The following DNAJA3 variants were observed in gnomAD, a reference collection of about 807,000 sequenced individuals.
The protein encoded by DNAJA3 is dnaJ homolog subfamily A member 3, mitochondrial.
A neutral mutation model predicts 54.9 loss-of-function variants in DNAJA3; 29 were observed. The observed-to-expected ratio is 0.53, with a 90% CI of 0.39 to 0.72. The LOEUF is 0.72. DNAJA3 is among the 30% of genes least tolerant of loss of function. The pLI is 0.00. For missense variants in DNAJA3, 708 were observed against 639.4 expected (o/e 1.11, Z -1.16); for synonymous variants, 302 against 251.4 (o/e 1.20, Z -1.90).
At chr16:4,428,933 G>C (rs903188127) in intron 1 of DNAJA3, among the ~76,000 whole-genome samples, 88 of 140,876 alleles carry the variant, frequency 6.2e-4, no homozygotes, top group African/African-American at 2.4e-3. Context: ...CTGTCGCCCA[G>C]GCTGGAGTGC....
Position 4,442,274 on chromosome 16 carries a change from A to G in DNAJA3, c.637A>G (p.Met213Val), listed in dbSNP as rs111303977. The G allele has an allele frequency of 1.3e-6, 2 of 1,591,710 alleles. No homozygotes were observed. The highest frequency in any genetic ancestry group is 1.7e-6 in the Non-Finnish European group (2 of 1,167,422). The change falls in exon 5 of 12, where the codon ATG becomes GTG. Residue 213 changes from methionine to valine, a missense_variant. Met to Val is a conservative substitution (Grantham distance 21). Coordinates refer to ENST00000262375, the MANE Select transcript of DNAJA3 (RefSeq NM_005147.6). The part of the protein sequence containing the change: ...TVFDQPQEYF[M>V]ELTFNQAAKG... ...TGTCCCTTGGTTTCTTTAGTACTTCATGGAGTTGACATTCAATCAAGCTGC... is the reference window on the plus strand; with the variant it reads ...TGTCCCTTGGTTTCTTTAGTACTTCGTGGAGTTGACATTCAATCAAGCTGC...
chr16:4,456,388 G>T lies in DNAJA3; in HGVS notation c.*856G>T, dbSNP rs2057036022. On this transcript the variant is annotated 3_prime_UTR_variant, in exon 12 of 12. Transcript: ENST00000262375. The stretch of plus-strand genomic sequence containing the variant: ...GCCCTGCCACTGTTGCTAGTCAGGG[G>T]CTTGGTTCTCCCACTTACACTGTTG... The T allele has an allele frequency of 1.3e-5, 2 of 152,436 alleles. No homozygotes were observed. The highest frequency in any genetic ancestry group is 2.9e-5 in the Non-Finnish European group (2 of 68,058). The allele number at this position is 152,436 out of a possible 1,614,324, so 9.4% of individuals were successfully genotyped here. A position where few individuals can be genotyped will look rare whatever the true frequency, so the allele number is the denominator to read the frequency against.
chr16:4,429,292 C>T (rs2056663777), intron 1 of DNAJA3, among the ~76,000 whole-genome samples: 1 of 152,016 alleles, frequency 6.6e-6, no homozygotes. Flanking sequence ...ACCGTGATCT[C>T]GGCTCACCGC....
chr16:4,436,010 C>T (rs2056768173), intron 2 of DNAJA3, among the ~76,000 whole-genome samples: 1 of 152,234 alleles, frequency 6.6e-6, no homozygotes, highest in South Asian at 2.1e-4. Flanking sequence ...TTTTTAATTA[C>T]GACCCTAGTG....
Position 4,444,719 on chromosome 16 carries a change from T to G in DNAJA3, c.987T>G (p.Ile329Met). 6.2e-7 allele frequency: 1 copy of G among 1,614,078 alleles called. No individual in the cohort carries two copies. Among genetic ancestry groups the G allele is most frequent in the Non-Finnish European group, 8.5e-7 (1 of 1,179,966 alleles). The change falls in exon 7 of 12, where the codon ATT becomes ATG. Residue 329 changes from isoleucine to methionine, a missense_variant. Physicochemically the swap from Ile to Met is conservative, Grantham distance 10. Transcript: ENST00000262375. ...RMPVGKREIF[I>M]TFRVQKSPVF... ...CTGTGGGAAAAAGGGAAATTTTCATTACGTTCAGGGTAGGTGCCCTGCCCC... is the reference window on the plus strand; with the variant it reads ...CTGTGGGAAAAAGGGAAATTTTCATGACGTTCAGGGTAGGTGCCCTGCCCC...
At chr16:4,447,061 C>G (rs1002715730) in intron 8 of DNAJA3, 47 bp downstream of exon 8, 49 of 1,586,032 alleles carry the variant, frequency 3.1e-5, no homozygotes, top group Non-Finnish European at 4.0e-5. Flanking sequence ...CTTTATTGCT[C>G]TTTTTCTGAA....
intron 6 of DNAJA3, 75 bp downstream of exon 6, chr16:4,443,239 A>G: frequency 6.4e-7 from 1 of 1,564,646 alleles, no homozygotes; most frequent in Non-Finnish European, 8.7e-7. Flanking sequence ...CCGTGTGGAG[A>G]GGGTGGACAG....
intron 5 of DNAJA3, 141 bp from the exon 6 acceptor site, chr16:4,442,876 G>C (rs1321622636): frequency 2.3e-6 from 2 of 871,808 alleles, no homozygotes; most frequent in Non-Finnish European, 3.5e-6. Flanking sequence ...CTGCACCTGG[G>C]TTCCTAGGCA....
intron 1 of DNAJA3, among the ~76,000 whole-genome samples, chr16:4,429,168 T>A (rs2056661159): frequency 6.6e-6 from 1 of 151,684 alleles, no homozygotes; most frequent in Non-Finnish European, 1.5e-5. Flanking sequence ...ATTACAGGTG[T>A]GAGCCACCGC....
intron 7 of DNAJA3, among the ~76,000 whole-genome samples, chr16:4,445,446 G>A (rs770810306): frequency 6.6e-6 from 1 of 152,176 alleles, no homozygotes; most frequent in Non-Finnish European, 1.5e-5. Context: ...TTAGGGACAC[G>A]GAAATACATA....
intron 1 of DNAJA3, chr16:4,433,192 A>G (rs1040315965): frequency 1.3e-5 from 2 of 152,178 alleles, no homozygotes; most frequent in African/African-American, 2.4e-5. Flanking sequence ...GAACTAAAAC[A>G]TCCTTGTTTC....
At chr16:4,431,153 T>G (rs1013450676) in intron 1 of DNAJA3, 3 of 152,252 alleles carry the variant, frequency 2.0e-5, no homozygotes, top group Non-Finnish European at 4.4e-5. Context: ...CCGTGTTCTC[T>G]GCCCGTAATG....
rs1231758977 is a variant in DNAJA3 at position 4,455,852 on chromosome 16, A to G, written c.*320A>G. On this transcript the variant is annotated 3_prime_UTR_variant, in exon 12 of 12. Transcript: ENST00000262375. ...TGCAGGGCTAAAACTCTAATTTGGA[A>G]TTGAATATTGTGGATATCTTAGTTA... 1 of 545,396 alleles carries G rather than the reference A, an allele frequency of 1.8e-6. No homozygotes were observed. The highest frequency in any genetic ancestry group is 3.3e-6 in the Non-Finnish European group (1 of 304,620). 33.8% of individuals were successfully genotyped at this position (545,396 alleles called of 1,614,324 possible).
intron 9 of DNAJA3, among the ~76,000 whole-genome samples, chr16:4,449,324 G>A (rs181152772): frequency 6.6e-6 from 1 of 152,186 alleles, no homozygotes; most frequent in African/African-American, 2.4e-5. Context: ...GAGTTGTTGG[G>A]AGAATTAAAT....
At chr16:4,442,769 A>T in intron 5 of DNAJA3, 1 of 574,926 alleles carries the variant, frequency 1.7e-6, no homozygotes, top group East Asian at 2.8e-5. Context: ...TTCTGTAGAC[A>T]GGCGGTATCA....
chr16:4,442,942 A>G (rs1227074029), intron 5 of DNAJA3, 75 bp from the exon 6 acceptor site: 28 of 1,518,750 alleles, frequency 1.8e-5, no homozygotes, highest in Admixed American at 1.1e-4. Context: ...CATTTTTCTT[A>G]CGCACATTGT....
chr16:4,427,340 A>G (rs2056637254), intron 1 of DNAJA3: 1 of 152,188 alleles, frequency 6.6e-6, no homozygotes, highest in Admixed American at 6.5e-5. Flanking sequence ...ATTTATAAAG[A>G]TTAATTAAAG....
intron 6 of DNAJA3, among the ~76,000 whole-genome samples, 185 bp from the exon 7 acceptor site, chr16:4,444,479 G>C (rs1224373088): frequency 6.6e-6 from 1 of 151,962 alleles, no homozygotes; most frequent in African/African-American, 2.4e-5. Flanking sequence ...GAGTAGCTGG[G>C]ACTACAGGCG....
Position 4,434,382 on chromosome 16 carries a change from A to C in DNAJA3, c.212-2A>C. ...TGATTTTCTTTGTTTTTTCCTTTTT[A>C]GGAACAAAACATAACCCTTTCATTT... On this transcript the variant is annotated splice_acceptor_variant, in intron 1 of 11. Transcript: ENST00000262375. LOFTEE classifies it high-confidence loss of function. 6.2e-7 allele frequency: 1 copy of C among 1,610,186 alleles called. No individual in the cohort carries two copies. Among genetic ancestry groups the C allele is most frequent in the Non-Finnish European group, 8.5e-7 (1 of 1,179,310 alleles).
Sources: gnomAD v4.1 joint callset for allele counts (sites outside exome capture counted in the v4.1 genomes callset) on GRCh38, gnomAD v4.1.1 for gene constraint, MANE v1.5 for transcripts, NCBI Gene and HGNC (gene_info 2026-07-23, HGNC 2026-07-21) for gene names.